NAV2: variants seen among roughly 807,000 people sequenced by gnomAD.
The protein encoded by NAV2 is helicase, APC down-regulated 1.
A neutral mutation model predicts 223.2 loss-of-function variants in NAV2; 54 were observed. The ratio of observed to expected loss-of-function variants is 0.24; its 90% CI spans 0.19 to 0.30. NAV2 has a LOEUF of 0.30. NAV2 is among the 10% of genes least tolerant of loss of function. NAV2 has a pLI of 1.00. For missense variants in NAV2, 2,806 were observed against 3,147.5 expected (o/e 0.89, Z 2.60); for synonymous variants, 1,279 against 1,239.3 (o/e 1.03, Z -0.67).
chr11:19,547,639 T>G (rs1021401855), intron 1 of NAV2, among the ~76,000 whole-genome samples: 4 of 152,162 alleles, frequency 2.6e-5, no homozygotes, highest in Admixed American at 1.3e-4. Flanking sequence ...TTCTTTTTTC[T>G]TGGGACCCCT....
At chr11:19,835,541 G>T (rs1181920913) in intron 2 of NAV2, among the ~76,000 whole-genome samples, 1 of 152,118 alleles carries the variant, frequency 6.6e-6, no homozygotes, top group South Asian at 2.1e-4. Context: ...TGAGAGGGGG[G>T]AGAAGCATCT....
At chr11:19,383,676 G>A (rs145452560) in intron 1 of NAV2, among the ~76,000 whole-genome samples, 3 of 152,236 alleles carry the variant, frequency 2.0e-5, no homozygotes, top group Admixed American at 6.5e-5. Flanking sequence ...TGAACTCCAT[G>A]GGCCTCCTAC....
chr11:19,513,540 G>A (rs866443254), intron 1 of NAV2, among the ~76,000 whole-genome samples: 57 of 152,132 alleles, frequency 3.7e-4, no homozygotes, highest in Middle Eastern at 3.4e-3. Context: ...ACAGTCATGG[G>A]CCCTGTCCCC....
chr11:20,028,080 C>T (rs536988527), intron 11 of NAV2, among the ~76,000 whole-genome samples: 1 of 152,332 alleles, frequency 6.6e-6, no homozygotes, highest in African/African-American at 2.4e-5. Context: ...TATAGTTTCT[C>T]AGGGGTCCCA....
intron 1 of NAV2, among the ~76,000 whole-genome samples, chr11:19,554,677 G>A (rs936186862): frequency 6.6e-6 from 1 of 152,152 alleles, no homozygotes; most frequent in Non-Finnish European, 1.5e-5. Context: ...TGGTGGTGGT[G>A]TTTTTGCCAG....
intron 12 of NAV2, among the ~76,000 whole-genome samples, chr11:20,039,904 C>G (rs773176341): frequency 2.6e-5 from 4 of 152,182 alleles, no homozygotes; most frequent in African/African-American, 4.8e-5. Context: ...CTAGAGCTCT[C>G]TAGATGTTGG....
rs2289566 is a variant in NAV2 at position 20,095,686 on chromosome 11, T to A, written c.5931T>A (p.His1977Gln). 6.2e-7 allele frequency: 1 copy of A among 1,612,830 alleles called. No homozygotes were observed. The highest frequency in any genetic ancestry group is 8.5e-7 in the Non-Finnish European group (1 of 1,178,980). Residue 1977 changes from histidine (H) to glutamine (Q), a missense_variant, in exon 30 of 38, where the codon CAT (histidine) becomes CAA (glutamine). His to Gln is a conservative substitution (Grantham distance 24). Transcript: ENST00000349880. ...EMKWKEDSRP[H>Q]LFLIGCIGVS... ...CTTACCCTTAGGATTCCAGACCACA[T>A]CTCTTTCTTATTGGCTGCATTGGAG...
At chr11:20,005,153 G>T (rs879669885) in intron 11 of NAV2, among the ~76,000 whole-genome samples, 2 of 151,778 alleles carry the variant, frequency 1.3e-5, no homozygotes, top group Non-Finnish European at 2.9e-5. Flanking sequence ...TAAAGCCAAG[G>T]CCTGAGAAGA....
rs572455384 is a variant in NAV2 at position 19,914,510 on chromosome 11, C to T, written c.932-18666C>T. Among the ~76,000 whole-genome samples the T allele has an allele frequency of 1.2e-3, 187 of 152,012 alleles. 1 individual carries two copies. Among genetic ancestry groups the T allele is most frequent in the Middle Eastern group, 0.01 (3 of 294 alleles). ...GGGGTTATACGATTGCAATACAAAC[C>T]GCTTAAAATTTAATATTGTTGTTCC... On this transcript the variant is annotated intron_variant, in intron 6 of 37. Transcript: ENST00000349880.
At chr11:20,099,636 C>A (rs542426747) in intron 31 of NAV2, among the ~76,000 whole-genome samples, 7 of 152,294 alleles carry the variant, frequency 4.6e-5, no homozygotes, top group African/African-American at 1.7e-4. Context: ...ACACTAAAAA[C>A]CACTCAAGGA....
Position 20,081,639 on chromosome 11 carries a change from T to C in NAV2, c.5326-1368T>C, listed in dbSNP as rs563157496. On this transcript the variant is annotated intron_variant, in intron 25 of 37. Transcript: ENST00000349880. Reference sequence around the variant, plus strand: ...TGCTCTCTGGAAATATTATCAGAGGTAGGAAATGGGAGAGAAAAGGGATCT... The same window carrying C: ...TGCTCTCTGGAAATATTATCAGAGGCAGGAAATGGGAGAGAAAAGGGATCT... 3.3e-5 allele frequency among the ~76,000 whole-genome samples: 5 copies of C among 152,176 alleles called. No homozygotes were observed. In the South Asian group the frequency reaches 1.0e-3, roughly 32 times the overall value.
chr11:19,449,336 G>A (rs192572073), intron 1 of NAV2, among the ~76,000 whole-genome samples: 70 of 151,816 alleles, frequency 4.6e-4, no homozygotes, highest in African/African-American at 1.7e-3. Flanking sequence ...GGCGGAGTTT[G>A]CAGTGAGCTG....
chr11:19,411,693 CT>C (rs1308696439), intron 1 of NAV2, among the ~76,000 whole-genome samples: 1 of 152,076 alleles, frequency 6.6e-6, no homozygotes, highest in Non-Finnish European at 1.5e-5. Context: ...TGGATCTGCC[CT>C]ACTTGGTGCA....
intron 4 of NAV2, among the ~76,000 whole-genome samples, chr11:19,872,691 A>G (rs2062592871): frequency 6.6e-6 from 1 of 152,214 alleles, no homozygotes; most frequent in African/African-American, 2.4e-5. Flanking sequence ...CCTGTCCTCA[A>G]AGCATTTCAG....
chr11:19,693,538 T>C (rs1235185673), intron 1 of NAV2, among the ~76,000 whole-genome samples: 2 of 152,190 alleles, frequency 1.3e-5, no homozygotes, highest in South Asian at 2.1e-4. Context: ...AAAACAAAAA[T>C]ATATTTAGAA....
rs1401881439 is a variant in NAV2, at chr11:19,892,551, A to G, written c.888A>G (p.Lys296=). Residue 296 remains lysine (K), a synonymous_variant, in exon 6 of 38, where the codon AAA becomes AAG. Coordinates refer to ENST00000349880, the MANE Select transcript of NAV2 (RefSeq NM_145117.5). Reference sequence around the variant, plus strand: ...GCTTTAACAACTATGATAAATCCAAACCAGTCACCTCCCCACCCCCACCGC... The same window carrying G: ...GCTTTAACAACTATGATAAATCCAAGCCAGTCACCTCCCCACCCCCACCGC... ...SQSFNNYDKS[K]PVTSPPPPPS... is the part of the protein sequence containing the mutation. The G allele has an allele frequency of 6.2e-7, 1 of 1,614,028 alleles. No homozygotes were observed. The highest frequency in any genetic ancestry group is 1.6e-4 in the Middle Eastern group (1 of 6,062).
chr11:19,995,315 G>A (rs180996589), intron 11 of NAV2, among the ~76,000 whole-genome samples: 265 of 152,300 alleles, frequency 1.7e-3, no homozygotes, highest in African/African-American at 6.0e-3. Context: ...TGTCTCTGAC[G>A]GTGATGATGA....
chr11:19,415,828 A>G (rs1222787431), intron 1 of NAV2, among the ~76,000 whole-genome samples: 1 of 152,214 alleles, frequency 6.6e-6, no homozygotes, highest in Non-Finnish European at 1.5e-5. Flanking sequence ...ACATAAACAG[A>G]ACCAATGACA....
At chr11:19,748,521 T>C (rs931255766) in intron 1 of NAV2, among the ~76,000 whole-genome samples, 1 of 152,240 alleles carries the variant, frequency 6.6e-6, no homozygotes, top group African/African-American at 2.4e-5. Context: ...TTATAATACA[T>C]ACACCACAAA....
Sources: gnomAD v4.1 joint callset for allele counts (sites outside exome capture counted in the v4.1 genomes callset) on GRCh38, gnomAD v4.1.1 for gene constraint, MANE v1.5 for transcripts, NCBI Gene and HGNC (gene_info 2026-07-23, HGNC 2026-07-21) for gene names.